ALG3: variants seen among roughly 807,000 people sequenced by gnomAD.
The protein encoded by ALG3 is ALG3 alpha-1,3- mannosyltransferase.
In ALG3, 39 loss-of-function variants were observed where a neutral mutation model predicts 50.5. The observed-to-expected ratio is 0.77, with a 90% CI of 0.60 to 1.01. ALG3 has a LOEUF of 1.01. Ranked by LOEUF, ALG3 falls within the 50% of genes least tolerant of loss-of-function variation. ALG3 has a pLI of 0.00. For missense variants in ALG3, 520 were observed against 554.8 expected, an observed-to-expected ratio of 0.94 and a Z score of 0.63; for synonymous variants, 252 against 237.2, an observed-to-expected ratio of 1.06 and a Z score of -0.58.
In ALG3 at chr3:184,245,533, T is replaced by A; in HGVS notation, c.379A>T (p.Ile127Phe). 2 of 1,613,912 alleles carry A rather than the reference T, an allele frequency of 1.2e-6. No homozygotes were observed. Among genetic ancestry groups the A allele is most frequent in the Non-Finnish European group, 1.7e-6 (2 of 1,179,882 alleles). Residue 127 changes from isoleucine to phenylalanine, a missense_variant, in exon 3 of 9, where the codon ATC (isoleucine) becomes TTC (phenylalanine). Coordinates refer to ENST00000397676, the MANE Select transcript of ALG3 (RefSeq NM_005787.6). ...GTAGCCAGGTAGAGCACAGCAAAGA[T>A]GTTCTGGGCCATGCGGATGTCAGTG... ...RGTDIRMAQNIFAVLYLATLL... is the reference protein window; with the variant it reads ...RGTDIRMAQNFFAVLYLATLL...
rs770805296 is a variant in ALG3, at chr3:184,242,411, G to T, written c.*103C>A. 9 of 1,404,174 alleles carry T rather than the reference G, an allele frequency of 6.4e-6. No individual in the cohort carries two copies. Among genetic ancestry groups the T allele is most frequent in the Non-Finnish European group, 8.9e-6 (9 of 1,014,406 alleles). 87.0% of individuals were successfully genotyped at this position (1,404,174 alleles called of 1,614,324 possible). A position where few individuals can be genotyped will look rare whatever the true frequency, so the allele number is the denominator to read the frequency against. ...CATCGGCTGCCCCCACCTCCATGTAGGTTGCACAGAGTTGGACTTAGCAAG... is the reference window on the plus strand; with the variant it reads ...CATCGGCTGCCCCCACCTCCATGTATGTTGCACAGAGTTGGACTTAGCAAG... On this transcript the variant is annotated 3_prime_UTR_variant, in exon 9 of 9. Coordinates refer to ENST00000397676, the MANE Select transcript of ALG3 (RefSeq NM_005787.6).
At chr3:184,244,832 G>T in intron 4 of ALG3, 111 bp from the exon 5 acceptor site, 1 of 1,427,914 alleles carries the variant, frequency 7.0e-7, no homozygotes, top group Non-Finnish European at 9.4e-7. Flanking sequence ...CCGCCGCCAC[G>T]CCAACAAACT....
Position 184,242,496 on chromosome 3 carries a change from G to C in ALG3, c.*18C>G. On this transcript the variant is annotated 3_prime_UTR_variant, in exon 9 of 9. Transcript: ENST00000397676. ...GGTCCTGAGGGTAGACTCAGGTCCT[G>C]AGGGAAAGGGGTGGACTTCAGTGGG... 1 of 1,611,396 alleles carries C rather than the reference G, an allele frequency of 6.2e-7. No individual in the cohort carries two copies. The highest frequency in any genetic ancestry group is 2.2e-5 in the East Asian group (1 of 44,794).
intron 1 of ALG3, among the ~76,000 whole-genome samples, chr3:184,247,850 C>CT (rs550165987): frequency 0.055 from 7,917 of 142,684 alleles, 708 homozygotes; most frequent in African/African-American, 0.19. Context: ...CATCCTTTTT[C>CT]TTTTTTTTTT....
At chr3:184,242,982 C>CAGG in intron 7 of ALG3, 25 bp from the exon 8 acceptor site, 1 of 1,611,462 alleles carries the variant, frequency 6.2e-7, no homozygotes, top group Non-Finnish European at 8.5e-7. Context: ...AGGCCAAGGG[C>CAGG]AGGAGTGTGT....
chr3:184,244,575 A>C (rs911668831), intron 5 of ALG3, 26 bp downstream of exon 5: 1 of 1,600,914 alleles, frequency 6.2e-7, no homozygotes, highest in Non-Finnish European at 8.5e-7. Context: ...CCTTGATTAG[A>C]AAGAGGAAGG....
At position 184,242,953 on chromosome 3, in the gene ALG3, G is replaced by T. The variant is rs370373115; in HGVS notation, c.1014C>A (p.Ile338=). The T allele has an allele frequency of 1.9e-6, 3 of 1,613,190 alleles. No individual in the cohort carries two copies. Among genetic ancestry groups the T allele is most frequent in the Admixed American group, 1.7e-5 (1 of 59,954 alleles). The change falls in exon 8 of 9, where the codon ATC becomes ATA. Residue 338 remains isoleucine, a synonymous_variant. Transcript: ENST00000397676. ...VPPQPLTPNQ[I]VSTLFTSNFI... Reference sequence around the variant, plus strand: ...AGTTGGAGGTGAAGAGGGTAGAAACGATCTGTATGCGGTGGTCAAGGCCAA... The same window carrying T: ...AGTTGGAGGTGAAGAGGGTAGAAACTATCTGTATGCGGTGGTCAAGGCCAA...
chr3:184,242,559 C>T lies in ALG3; in HGVS notation c.1272G>A (p.Pro424=), dbSNP rs372724502. The stretch of plus-strand genomic sequence containing the variant: ...GTTGGGTGCTCTTGGGGAAAGGCTG[C>T]GGGCCCAGCCAGAGCTGCAGCAGGA... ...AVILLQLWLG[P]QPFPKSTQHS... Residue 424 remains proline, a synonymous_variant, in exon 9 of 9, where the codon CCG becomes CCA. Transcript: ENST00000397676. 8.7e-5 allele frequency: 140 copies of T among 1,610,128 alleles called. 3 individuals are homozygous for T. In the South Asian group the frequency reaches 9.5e-4, roughly 11 times the overall value.
upstream of ALG3, chr3:184,249,034 G>A: frequency 6.5e-7 from 1 of 1,529,324 alleles, no homozygotes; most frequent in East Asian, 2.4e-5. Context: ...GTCCCACCAG[G>A]CTAAGCGCCG....
rs911937214 is a variant in ALG3, at chr3:184,248,915, C to T, written c.26G>A (p.Gly9Asp). The change falls in exon 1 of 9, where the codon GGC (glycine) becomes GAC (aspartate). Residue 9 changes from glycine (G) to aspartate (D), a missense_variant. Physicochemically the swap from Gly to Asp is moderately conservative, Grantham distance 94. Transcript: ENST00000397676. The stretch of plus-strand genomic sequence containing the variant: ...TGCCTGGGCCGCGGAACCGGACCGG[C>T]CGCGTTTCCGCAGCCCAGCCGCCAT... MAAGLRKR[G>D]RSGSAAQAEG... 6.3e-7 allele frequency: 1 copy of T among 1,590,308 alleles called. No individual in the cohort carries two copies.
At chr3:184,249,048 C>T (rs1719374491), upstream of ALG3, 2 of 1,514,202 alleles carry the variant, frequency 1.3e-6, no homozygotes, top group South Asian at 1.2e-5. Flanking sequence ...AGCGCCGATC[C>T]GAGTAGCCAG....
upstream of ALG3, chr3:184,248,970 C>A (rs540344074): frequency 4.0e-4 from 628 of 1,552,412 alleles, 8 homozygotes; most frequent in South Asian, 6.9e-3. Flanking sequence ...TGTGGGCCCA[C>A]CACCCCCGGA....
At chr3:184,244,050 G>GCCTTCATGCTACTCAT in intron 5 of ALG3, 54 bp from the exon 6 acceptor site, 1 of 1,545,680 alleles carries the variant, frequency 6.5e-7, no homozygotes, top group Non-Finnish European at 8.9e-7. Context: ...CCAATGACCA[G>GCCTTCATGCTACTCAT]CCTTCATGCT....
chr3:184,243,874 G>T lies in ALG3; in HGVS notation c.849C>A (p.Leu283=). The change falls in exon 6 of 9, where the codon CTC becomes CTA. Residue 283 remains leucine, a synonymous_variant. Transcript: ENST00000397676. The stretch of plus-strand genomic sequence containing the variant: ...CCAGGTGGAAGGCTCGATGCAGGAA[G>T]AGCGCCTCTGGGAGGAAGCGCCAGT... The part of the protein sequence containing the change: ...TVNWRFLPEA[L]FLHRAFHLAL... The T allele has an allele frequency of 6.2e-7, 1 of 1,614,034 alleles. No homozygotes were observed. The highest frequency in any genetic ancestry group is 8.5e-7 in the Non-Finnish European group (1 of 1,179,906).
At chr3:184,247,042 T>A (rs749589795) in intron 1 of ALG3, among the ~76,000 whole-genome samples, 7 of 152,108 alleles carry the variant, frequency 4.6e-5, no homozygotes, top group Non-Finnish European at 1.0e-4. Context: ...GTAGCTGGGA[T>A]TACAGGCACT....
chr3:184,244,486 G>C (rs1577103396), intron 5 of ALG3, 115 bp downstream of exon 5: 2 of 1,338,492 alleles, frequency 1.5e-6, no homozygotes, highest in East Asian at 5.0e-5. Context: ...CCCTAGCTCA[G>C]AATCAACTCC....
rs1174962210 is a variant in ALG3 at position 184,244,631 on chromosome 3, G to A, written c.696C>T (p.Leu232=). The A allele has an allele frequency of 4.3e-6, 7 of 1,610,688 alleles. No individual in the cohort carries two copies. Among genetic ancestry groups the A allele is most frequent in the African/African-American group, 1.3e-5 (1 of 74,812 alleles). ...LLTQFGFRGA[L]PKLGICAGLQ... is the part of the protein sequence containing the mutation. ...GGCCAGCACAGATTCCCAGCTTGGG[G>A]AGGGCCCCACGGAAGCCAAACTGTG... The change falls in exon 5 of 9, where the codon CTC becomes CTT. Residue 232 remains leucine (L), a synonymous_variant. Transcript: ENST00000397676.
rs762321839 is a variant in ALG3, at chr3:184,245,848, T to C, written c.197-36A>G. The C allele has an allele frequency of 4.5e-6, 7 of 1,556,134 alleles. No individual in the cohort carries two copies. In the East Asian group the frequency reaches 1.6e-4, roughly 35 times the overall value. On this transcript the variant is annotated intron_variant, in intron 1 of 8. Coordinates refer to ENST00000397676, the MANE Select transcript of ALG3 (RefSeq NM_005787.6). ...ACAAGATGATCTGGTTACTTCTGAGTCTAGAACTTGTCTGCCACCCTCCCC... is the reference window on the plus strand; with the variant it reads ...ACAAGATGATCTGGTTACTTCTGAGCCTAGAACTTGTCTGCCACCCTCCCC...
At position 184,244,717 on chromosome 3, in the gene ALG3, C is replaced by T; in HGVS notation, c.610G>A (p.Ala204Thr). ...AGCACATTCATCTTCACAGAGACTG[C>T]CAGGCTGGGGTGAGCAGGGGAGAGG... is the stretch of plus-strand genomic sequence containing the variant. The part of the protein sequence containing the change: ...WGWGCCFFSL[A>T]VSVKMNVLLF... The change falls in exon 5 of 9, where the codon GCA becomes ACA. Residue 204 changes from alanine to threonine, a missense_variant. Physicochemically the swap from Ala to Thr is moderately conservative, Grantham distance 58 (BLOSUM62 0). Coordinates refer to ENST00000397676, the MANE Select transcript of ALG3 (RefSeq NM_005787.6). The T allele has an allele frequency of 1.2e-6, 2 of 1,608,900 alleles. No homozygotes were observed. The highest frequency in any genetic ancestry group is 8.5e-7 in the Non-Finnish European group (1 of 1,178,034).
Sources: gnomAD v4.1 joint callset for allele counts (sites outside exome capture counted in the v4.1 genomes callset) on GRCh38, gnomAD v4.1.1 for gene constraint, MANE v1.5 for transcripts, NCBI Gene and HGNC (gene_info 2026-07-23, HGNC 2026-07-21) for gene names.